SGCG: variants seen among roughly 807,000 people sequenced by gnomAD.
SGCG encodes the protein gamma-sarcoglycan.
A neutral mutation model predicts 29.3 loss-of-function variants in SGCG; 26 were observed. That is an observed-to-expected ratio of 0.89 (90% confidence interval 0.65 to 1.23). SGCG has a LOEUF of 1.23. SGCG is among the 50% of genes most tolerant of loss of function. The pLI is 0.00. For synonymous variants in SGCG, 145 were observed against 129.7 expected (o/e 1.12, Z -0.80); for missense variants, 353 against 356.0 (o/e 0.99, Z 0.07).
intron 6 of SGCG, among the ~76,000 whole-genome samples, chr13:23,306,439 G>A (rs1017522226): frequency 6.6e-6 from 1 of 152,086 alleles, no homozygotes; most frequent in African/African-American, 2.4e-5. Flanking sequence ...ATTTCCCTAG[G>A]AAATTATTCA....
At chr13:23,302,302 A>T (rs1051840567) in intron 6 of SGCG, among the ~76,000 whole-genome samples, 1 of 151,650 alleles carries the variant, frequency 6.6e-6, no homozygotes, top group Non-Finnish European at 1.5e-5. Context: ...GTGACTATAG[A>T]ATTTTTAAAA....
intron 4 of SGCG, among the ~76,000 whole-genome samples, chr13:23,272,612 A>ATGCT (rs1191778065): frequency 6.6e-6 from 1 of 151,908 alleles, no homozygotes; most frequent in Non-Finnish European, 1.5e-5. Context: ...TTTTTTCCTT[A>ATGCT]TGCTTGCTTT....
intron 4 of SGCG, among the ~76,000 whole-genome samples, chr13:23,255,448 CT>C (rs1314149782): frequency 2.0e-5 from 3 of 152,286 alleles, no homozygotes; most frequent in Non-Finnish European, 4.4e-5. Flanking sequence ...TGAGTTAAGA[CT>C]TTGGGGGACT....
chr13:23,182,392 G>A (rs1876774327), intron 1 of SGCG, among the ~76,000 whole-genome samples: 1 of 152,084 alleles, frequency 6.6e-6, no homozygotes, highest in African/African-American at 2.4e-5. Flanking sequence ...ACAGCGTCCT[G>A]AGGATGACTC....
chr13:23,203,419 T>G (rs995762757), intron 1 of SGCG, among the ~76,000 whole-genome samples: 2 of 152,220 alleles, frequency 1.3e-5, no homozygotes, highest in African/African-American at 2.4e-5. Flanking sequence ...ACATCTGAAT[T>G]TATTAACATT....
At chr13:23,171,787 T>A in the SGCG span, among the ~76,000 whole-genome samples, 1 of 152,260 alleles carries the variant, frequency 6.6e-6, no homozygotes, top group Non-Finnish European at 1.5e-5. Context: ...CCTCCACTGA[T>A]CCGACAGGAA....
chr13:23,175,567 A>C, the SGCG span, among the ~76,000 whole-genome samples: 12 of 152,114 alleles, frequency 7.9e-5, no homozygotes, highest in African/African-American at 2.4e-4. Context: ...ATAATACGGA[A>C]ATTTTAGGTA....
intron 2 of SGCG, chr13:23,217,632 A>C (rs1222857591): frequency 1.3e-5 from 2 of 151,270 alleles, no homozygotes; most frequent in African/African-American, 4.9e-5. Context: ...TCTTTTAATC[A>C]GCTCTACTTT....
At chr13:23,274,451 G>A (rs1221925757) in intron 4 of SGCG, among the ~76,000 whole-genome samples, 1 of 132,978 alleles carries the variant, frequency 7.5e-6, no homozygotes, top group South Asian at 2.5e-4. Context: ...CTCCCAGGCT[G>A]GAGTGCAGTG....
intron 4 of SGCG, among the ~76,000 whole-genome samples, chr13:23,258,696 G>T (rs1880299890): frequency 6.6e-6 from 1 of 152,084 alleles, no homozygotes; most frequent in Non-Finnish European, 1.5e-5. Context: ...GTCATAAATA[G>T]CTCTTATTAT....
chr13:23,161,492 A>T, the SGCG span, among the ~76,000 whole-genome samples: 8 of 152,388 alleles, frequency 5.2e-5, no homozygotes, highest in South Asian at 1.0e-3. Flanking sequence ...ATTGGTGCTA[A>T]TAAAGCAATG....
chr13:23,165,244 A>C, the SGCG span, among the ~76,000 whole-genome samples: 1 of 152,228 alleles, frequency 6.6e-6, no homozygotes, highest in East Asian at 1.9e-4. Context: ...TTTCATCATA[A>C]TGTTAAAACA....
chr13:23,274,957 T>A (rs1038062130), intron 4 of SGCG, among the ~76,000 whole-genome samples: 5 of 151,930 alleles, frequency 3.3e-5, no homozygotes, highest in Admixed American at 6.6e-5. Flanking sequence ...TTTTTTCAGT[T>A]CAGTTAATGC....
chr13:23,315,178 C>T (rs879530723), intron 6 of SGCG, among the ~76,000 whole-genome samples: 4 of 152,122 alleles, frequency 2.6e-5, no homozygotes, highest in Non-Finnish European at 5.9e-5. Flanking sequence ...AACTACTGTC[C>T]TTTTGAGAGA....
At chr13:23,190,406 T>G (rs925185023) in intron 1 of SGCG, among the ~76,000 whole-genome samples, 2 of 152,210 alleles carry the variant, frequency 1.3e-5, no homozygotes, top group South Asian at 4.1e-4. Context: ...ATTTTATACA[T>G]GCTATGCAGT....
chr13:23,177,012 A>G (rs1296715370), upstream of SGCG, among the ~76,000 whole-genome samples: 1 of 152,236 alleles, frequency 6.6e-6, no homozygotes, highest in Non-Finnish European at 1.5e-5. Context: ...AAACTGTGGT[A>G]TATATGCATG....
intron 4 of SGCG, among the ~76,000 whole-genome samples, chr13:23,278,332 A>G: frequency 6.6e-6 from 1 of 151,802 alleles, no homozygotes; most frequent in East Asian, 2.0e-4. Context: ...AATCCCAGCT[A>G]CTCTGGAGGC....
intron 1 of SGCG, among the ~76,000 whole-genome samples, chr13:23,193,445 T>C (rs1877360665): frequency 6.6e-6 from 1 of 152,124 alleles, no homozygotes; most frequent in Non-Finnish European, 1.5e-5. Context: ...GCAGGGGCAG[T>C]GCAGATGGGG....
At chr13:23,169,872 G>A in the SGCG span, 2 of 152,198 alleles carry the variant, frequency 1.3e-5, no homozygotes. Context: ...TGGCATAACG[G>A]AGAAGCACAA....
Sources: gnomAD v4.1 joint callset for allele counts (sites outside exome capture counted in the v4.1 genomes callset) on GRCh38, gnomAD v4.1.1 for gene constraint, MANE v1.5 for transcripts, NCBI Gene and HGNC (gene_info 2026-07-23, HGNC 2026-07-21) for gene names.